SIGLEC1: variants seen among roughly 807,000 people sequenced by gnomAD.
SIGLEC1 encodes the protein sialic acid binding Ig like lectin 1.
A neutral mutation model predicts 148.0 loss-of-function variants in SIGLEC1; 132 were observed. The ratio of observed to expected loss-of-function variants is 0.89; its 90% CI spans 0.77 to 1.03. SIGLEC1 has a LOEUF of 1.03. Ranked by LOEUF, SIGLEC1 falls within the 50% of genes least tolerant of loss-of-function variation. The pLI, the probability that SIGLEC1 is intolerant of heterozygous loss-of-function variation, is 0.00. For missense variants in SIGLEC1, 2,253 were observed against 2,271.4 expected (o/e 0.99, Z 0.16); for synonymous variants, 945 against 969.0 (o/e 0.98, Z 0.46).
intron 1 of SIGLEC1, among the ~76,000 whole-genome samples, chr20:3,712,002 G>A (rs2087931250): frequency 6.6e-6 from 1 of 151,942 alleles, no homozygotes; most frequent in African/African-American, 2.4e-5. Context: ...TGAGTGATGG[G>A]TGGGGGTAAG....
At position 3,694,438 on chromosome 20, in the gene SIGLEC1, G is replaced by A. The variant is rs141231632; in HGVS notation, c.3039C>T (p.Ala1013=). 4.6e-5 allele frequency: 74 copies of A among 1,610,766 alleles called. No homozygotes were observed. The African/African-American group carries it at 8.8e-4, about 19-fold the overall frequency. The part of the protein sequence containing the change: ...LLCRVDSDPP[A]QLRLLHGDRL... ...GATCCCCGTGGAGCAGCCGCAGCTG[G>A]GCCGGAGGGTCACTGTCCACACGGC... The change falls in exon 13 of 22, where the codon GCC becomes GCT. Residue 1013 remains alanine (A), a synonymous_variant. Coordinates refer to ENST00000344754, the MANE Select transcript of SIGLEC1 (RefSeq NM_023068.4).
At chr20:3,694,134 G>C in intron 13 of SIGLEC1, 87 bp downstream of exon 13, 2 of 1,412,926 alleles carry the variant, frequency 1.4e-6, no homozygotes, top group Non-Finnish European at 1.9e-6. Flanking sequence ...GTGCCCCCAG[G>C]CTTCTAGAAC....
Position 3,701,512 on chromosome 20 carries a change from G to A in SIGLEC1, c.1358C>T (p.Ala453Val). The change falls in exon 7 of 22, where the codon GCC (alanine) becomes GTC (valine). Residue 453 changes from alanine to valine, a missense_variant. Physicochemically the swap from Ala to Val is moderately conservative, Grantham distance 64 (BLOSUM62 0). Transcript: ENST00000344754. ...LVLSHGGHIL[A>V]STSGDSDHSP... is the part of the protein sequence containing the mutation. ...GTGATCACTGTCCCCGGAGGTGGAGGCCAGGATATGACCCCCATGTGACAG... is the reference window on the plus strand; with the variant it reads ...GTGATCACTGTCCCCGGAGGTGGAGACCAGGATATGACCCCCATGTGACAG... 2.5e-6 allele frequency: 4 copies of A among 1,614,044 alleles called. No individual in the cohort carries two copies. Among genetic ancestry groups the A allele is most frequent in the South Asian group, 1.1e-5 (1 of 91,086 alleles).
At chr20:3,708,774 G>A (rs985055646) in intron 1 of SIGLEC1, among the ~76,000 whole-genome samples, 5 of 151,516 alleles carry the variant, frequency 3.3e-5, no homozygotes, top group African/African-American at 9.7e-5. Flanking sequence ...ACAGCTGGGT[G>A]CGGTGGCTCA....
intron 4 of SIGLEC1, 44 bp from the exon 5 acceptor site, chr20:3,704,135 G>T (rs918827782): frequency 1.9e-6 from 3 of 1,556,486 alleles, no homozygotes; most frequent in African/African-American, 2.7e-5. Flanking sequence ...GCTTGGGGAG[G>T]GCAGAGGATG....
rs774924403 is a variant in SIGLEC1, at chr20:3,698,125, G to A, written c.1795C>T (p.Arg599Ter). Residue 599 changes from arginine to a stop codon, truncating the protein, a stop_gained, in exon 9 of 22, where the codon CGA (arginine) becomes TGA (stop). Coordinates refer to ENST00000344754, the MANE Select transcript of SIGLEC1 (RefSeq NM_023068.4). LOFTEE classifies it high-confidence loss of function. Reference sequence around the variant, plus strand: ...AGCCTGGTGGTGAATGTTGGTTGTCGAGGGGGGTCTGCAGGGAGGAAGAAC... The same window carrying A: ...AGCCTGGTGGTGAATGTTGGTTGTCAAGGGGGGTCTGCAGGGAGGAAGAAC... ...PAVLTVLYPP[R>*]QPTFTTRLDL... The A allele has an allele frequency of 5.6e-6, 9 of 1,594,428 alleles. No individual in the cohort carries two copies. The highest frequency in any genetic ancestry group is 2.7e-5 in the African/African-American group (2 of 73,982).
In SIGLEC1 at chr20:3,694,232, A is replaced by C. The variant is rs1242050564; in HGVS notation, c.3245T>G (p.Phe1082Cys). The C allele has an allele frequency of 1.2e-6, 2 of 1,606,226 alleles. No individual in the cohort carries two copies. The highest frequency in any genetic ancestry group is 2.7e-5 in the African/African-American group (2 of 74,044). Reference sequence around the variant, plus strand: ...ACACACACACTGACCTTGAGCGTCGAAGTCAGCTGAGGCCGAGGCCTGGCC... The same window carrying C: ...ACACACACACTGACCTTGAGCGTCGCAGTCAGCTGAGGCCGAGGCCTGGCC... ...TLGQASASADFDAQAVNVQVW... is the reference protein window; with the variant it reads ...TLGQASASADCDAQAVNVQVW... Residue 1082 changes from phenylalanine (F) to cysteine (C), a missense_variant, in exon 13 of 22, where the codon TTC (phenylalanine) becomes TGC (cysteine). Transcript: ENST00000344754.
At chr20:3,688,985 A>T (rs1451824877) in intron 21 of SIGLEC1, 170 bp downstream of exon 21, 4 of 667,464 alleles carry the variant, frequency 6.0e-6, no homozygotes, top group Non-Finnish European at 1.1e-5. Flanking sequence ...CTCTGCCCCG[A>T]GCAGAACAGG....
chr20:3,696,645 C>T lies in SIGLEC1; in HGVS notation c.2624G>A (p.Arg875His), dbSNP rs771835174. The T allele has an allele frequency of 1.8e-5, 29 of 1,613,654 alleles. No individual in the cohort carries two copies. The highest frequency in any genetic ancestry group is 1.6e-4 in the Middle Eastern group (1 of 6,082). The part of the protein sequence containing the change: ...ELGLGDSGSY[R>H]CEATNVLGSS... ...TCCAAGAACATTTGTGGCCTCACAG[C>T]GGTAGCTGCCAGAGTCCCCAAGGCC... is the stretch of plus-strand genomic sequence containing the variant. Residue 875 changes from arginine to histidine, a missense_variant, in exon 11 of 22, where the codon CGC becomes CAC. By Grantham distance (29) the Arg-to-His change is conservative. Transcript: ENST00000344754.
At chr20:3,696,165 C>T (rs565603157) in intron 11 of SIGLEC1, among the ~76,000 whole-genome samples, 1 of 151,716 alleles carries the variant, frequency 6.6e-6, no homozygotes, top group Admixed American at 6.6e-5. Context: ...CACACACACA[C>T]ACGTATGTGT....
intron 11 of SIGLEC1, among the ~76,000 whole-genome samples, chr20:3,696,129 T>TATACACACACACAC (rs11087599): frequency 2.2e-4 from 32 of 142,508 alleles, no homozygotes; most frequent in African/African-American, 7.9e-4. Flanking sequence ...ACTATATATA[T>TATACACACACACAC]ACACACACAC....
chr20:3,712,566 G>T lies in SIGLEC1; in HGVS notation c.-206C>A, dbSNP rs1460347143. Among the ~76,000 whole-genome samples, 2 of 152,136 alleles carry T rather than the reference G, an allele frequency of 1.3e-5. No homozygotes were observed. The highest frequency in any genetic ancestry group is 4.8e-5 in the African/African-American group (2 of 41,408). ...GCTCCTGGTGCAGCTGGCTCCCCAG[G>T]GCTCTGCCGGCTCAAGAGAGAAGGA... On this transcript the variant is annotated 5_prime_UTR_variant, in exon 1 of 22. Coordinates refer to ENST00000344754, the MANE Select transcript of SIGLEC1 (RefSeq NM_023068.4).
Position 3,689,950 on chromosome 20 carries a change from C to A in SIGLEC1, c.4894+12G>T. 6.2e-7 allele frequency: 1 copy of A among 1,604,668 alleles called. No individual in the cohort carries two copies. Among genetic ancestry groups the A allele is most frequent in the Non-Finnish European group, 8.5e-7 (1 of 1,174,386 alleles). On this transcript the variant is annotated intron_variant, in intron 19 of 21. Transcript: ENST00000344754. ...GCAGAGTGGCCTGGGAGATGGAGCCCCCTCCCCTCACCTCTGACCCCAAAG... is the reference window on the plus strand; with the variant it reads ...GCAGAGTGGCCTGGGAGATGGAGCCACCTCCCCTCACCTCTGACCCCAAAG...
Position 3,692,074 on chromosome 20 carries a change from C to T in SIGLEC1, c.4159G>A (p.Ala1387Thr). 6.2e-7 allele frequency: 1 copy of T among 1,611,102 alleles called. No homozygotes were observed. The highest frequency in any genetic ancestry group is 8.5e-7 in the Non-Finnish European group (1 of 1,179,180). Residue 1387 changes from alanine to threonine, a missense_variant, in exon 17 of 22, where the codon GCC (alanine) becomes ACC (threonine). Coordinates refer to ENST00000344754, the MANE Select transcript of SIGLEC1 (RefSeq NM_023068.4). ...LALSHDGKVL[A>T]TSSGVHSLAS... Reference sequence around the variant, plus strand: ...AAGCTGTGGACCCCGCTGCTCGTGGCCAGCACCTTGCCATCATGAGATAGG... The same window carrying T: ...AAGCTGTGGACCCCGCTGCTCGTGGTCAGCACCTTGCCATCATGAGATAGG...
In SIGLEC1 at chr20:3,689,693, C is replaced by A; in HGVS notation, c.4904G>T (p.Arg1635Leu). 6.3e-7 allele frequency: 1 copy of A among 1,576,134 alleles called. No homozygotes were observed. The highest frequency in any genetic ancestry group is 1.2e-5 in the South Asian group (1 of 86,122). ...STYFGVRALH[R>L]LHQFQQLLWV... ...GAGCAGCTGCTGGAACTGATGCAGGCGGTGCAGGGCTGGAACACAGAGCGG... is the reference window on the plus strand; with the variant it reads ...GAGCAGCTGCTGGAACTGATGCAGGAGGTGCAGGGCTGGAACACAGAGCGG... The change falls in exon 20 of 22, where the codon CGC becomes CTC. Residue 1635 changes from arginine to leucine, a missense_variant. Physicochemically the swap from Arg to Leu is moderately radical, Grantham distance 102 (BLOSUM62 -2). Coordinates refer to ENST00000344754, the MANE Select transcript of SIGLEC1 (RefSeq NM_023068.4).
chr20:3,692,903 G>A lies in SIGLEC1; in HGVS notation c.3737C>T (p.Pro1246Leu), dbSNP rs1450778944. 6.2e-7 allele frequency: 1 copy of A among 1,612,108 alleles called. No homozygotes were observed. Among genetic ancestry groups the A allele is most frequent in the Admixed American group, 1.7e-5 (1 of 60,018 alleles). ...CAGGGACGTGTTGGCCTGGCCCAGA[G>A]GGCTGCGGGCAGAGCAGCTGTAGAA... ...EGFYSCSARSPLGQANTSLEL... is the reference protein window; with the variant it reads ...EGFYSCSARSLLGQANTSLEL... The change falls in exon 15 of 22, where the codon CCT (proline) becomes CTT (leucine). Residue 1246 changes from proline (P) to leucine (L), a missense_variant. Pro to Leu is a moderately conservative substitution (Grantham distance 98). Transcript: ENST00000344754.
chr20:3,693,039 C>T lies in SIGLEC1; in HGVS notation c.3601G>A (p.Ala1201Thr), dbSNP rs753045959. Residue 1201 changes from alanine (A) to threonine (T), a missense_variant, in exon 15 of 22, where the codon GCC (alanine) becomes ACC (threonine). By Grantham distance (58) the Ala-to-Thr change is moderately conservative (BLOSUM62 0). Transcript: ENST00000344754. ...CCGGCGTGGCTGAGGGCCAGCTGGG[C>T]GGGCGGGCGGCTGTCCACAGTGCAC... is the stretch of plus-strand genomic sequence containing the variant. Reference protein sequence around the residue: ...VLCTVDSRPPAQLALSHAGRL... With the variant: ...VLCTVDSRPPTQLALSHAGRL... 36 of 1,609,216 alleles carry T rather than the reference C, an allele frequency of 2.2e-5. No individual in the cohort carries two copies. The highest frequency in any genetic ancestry group is 2.6e-5 in the Non-Finnish European group (31 of 1,179,256).
chr20:3,688,661 G>A (rs762392837), intron 21 of SIGLEC1, 42 bp from the exon 22 acceptor site: 25 of 1,495,922 alleles, frequency 1.7e-5, no homozygotes, highest in African/African-American at 2.8e-5. Context: ...GCCTCTGGGA[G>A]CCAGGGCAGG....
intron 9 of SIGLEC1, among the ~76,000 whole-genome samples, chr20:3,697,569 A>G (rs919848401): frequency 7.9e-5 from 12 of 152,142 alleles, no homozygotes; most frequent in Admixed American, 2.0e-4. Context: ...AGGCAGCCCA[A>G]CTGTCCCAGC....
Sources: allele counts gnomAD v4.1 joint callset (sites outside exome capture counted in the v4.1 genomes callset), GRCh38; gene constraint gnomAD v4.1.1; transcripts MANE v1.5; gene names NCBI Gene and HGNC (gene_info 2026-07-23, HGNC 2026-07-21).